LANCL3: variants seen among roughly 807,000 people sequenced by gnomAD.
The protein encoded by LANCL3 is lanC-like protein 3.
A neutral mutation model predicts 26.5 loss-of-function variants in LANCL3; 19 were observed. The observed-to-expected ratio is 0.72, with a 90% CI of 0.50 to 1.05. The LOEUF (loss-of-function observed/expected upper bound fraction) is 1.05. Ranked by LOEUF, LANCL3 falls within the 50% of genes least tolerant of loss-of-function variation. The pLI is 0.00. For synonymous variants in LANCL3, 160 were observed against 166.6 expected (o/e 0.96, Z 0.30); for missense variants, 318 against 362.7 (o/e 0.88, Z 1.00).
chrX:37,633,569 T>C (rs1925603133), intron 1 of LANCL3, among the ~76,000 whole-genome samples: 1 of 110,959 alleles, frequency 9.0e-6, no homozygotes, highest in African/African-American at 3.3e-5. Context: ...TTTATCTACT[T>C]TTGGTCTTTG....
chrX:37,597,924 T>C (rs782350964), intron 1 of LANCL3, among the ~76,000 whole-genome samples: 2 of 110,400 alleles, frequency 1.8e-5, no homozygotes, highest in Non-Finnish European at 3.8e-5. Flanking sequence ...ACGAATGATA[T>C]TGACCATCTT....
At chrX:37,581,948 C>T (rs1923907918) in intron 1 of LANCL3, among the ~76,000 whole-genome samples, 1 of 109,887 alleles carries the variant, frequency 9.1e-6, no homozygotes, top group Admixed American at 9.7e-5. Context: ...CATCCCACAA[C>T]AGGCCCTGGT....
intron 1 of LANCL3, among the ~76,000 whole-genome samples, chrX:37,596,293 C>T (rs1400157750): frequency 1.8e-5 from 2 of 112,229 alleles, no homozygotes; most frequent in African/African-American, 6.5e-5. Context: ...CTATCAGTAT[C>T]TCCAGCAGTC....
chrX:37,675,925 C>A lies in LANCL3; in HGVS notation c.*112C>A. On this transcript the variant is annotated 3_prime_UTR_variant, in exon 5 of 5. Transcript: ENST00000378619. The stretch of plus-strand genomic sequence containing the variant: ...CAACCATGAGCCTTAACATTGCCAT[C>A]AGAAGGAAGGAATCAGGCAGGTGAA... 1.8e-6 allele frequency: 1 copy of A among 566,934 alleles called. No homozygotes were observed. The highest frequency in any genetic ancestry group is 4.2e-5 in the East Asian group (1 of 23,709). The allele number at this position is 566,934 out of a possible 1,213,427, so 46.7% of individuals were successfully genotyped here.
Position 37,593,911 on chromosome X carries a change from A to G in LANCL3, c.573+21468A>G, listed in dbSNP as rs1924356110. On this transcript the variant is annotated intron_variant, in intron 1 of 4. Coordinates refer to ENST00000378619, the MANE Select transcript of LANCL3 (RefSeq NM_001170331.2). ...TATATCCATTATATCCTTATAAGCCATAGTAAATTAAGATTTAATGATGAT... is the reference window on the plus strand; with the variant it reads ...TATATCCATTATATCCTTATAAGCCGTAGTAAATTAAGATTTAATGATGAT... Among the ~76,000 whole-genome samples, 4 of 112,414 alleles carry G rather than the reference A, an allele frequency of 3.6e-5. 1 individual carries two copies. The highest frequency in any genetic ancestry group is 9.2e-3 in the Middle Eastern group (2 of 218).
At chrX:37,585,313 T>C (rs1250194307) in intron 1 of LANCL3, among the ~76,000 whole-genome samples, 1 of 111,635 alleles carries the variant, frequency 9.0e-6, no homozygotes, top group Non-Finnish European at 1.9e-5. Flanking sequence ...CTATTAGGTC[T>C]GCTTGGTGCA....
chrX:37,651,606 GT>G (rs782033247), intron 1 of LANCL3, among the ~76,000 whole-genome samples: 19 of 104,530 alleles, frequency 1.8e-4, no homozygotes, highest in Admixed American at 3.1e-4. Flanking sequence ...GTTTTTGCAA[GT>G]TTTTTTTTTT....
chrX:37,584,290 T>TG (rs1923995253), intron 1 of LANCL3, among the ~76,000 whole-genome samples: 1 of 104,526 alleles, frequency 9.6e-6, no homozygotes, highest in African/African-American at 4.0e-5. Flanking sequence ...TTTTCTTGTT[T>TG]TGTTTTTGCC....
intron 1 of LANCL3, among the ~76,000 whole-genome samples, chrX:37,593,686 C>T (rs1379932865): frequency 8.9e-6 from 1 of 111,795 alleles, no homozygotes; most frequent in East Asian, 2.8e-4. Flanking sequence ...ATGAGGGCTC[C>T]TTAGCTGACT....
chrX:37,641,358 G>A (rs1339254079), intron 1 of LANCL3, among the ~76,000 whole-genome samples: 1 of 109,917 alleles, frequency 9.1e-6, no homozygotes, highest in Non-Finnish European at 1.9e-5. Flanking sequence ...AAGCCAGAGA[G>A]GTTAAATCAC....
chrX:37,625,458 C>G (rs967260687), intron 1 of LANCL3, among the ~76,000 whole-genome samples: 15 of 111,046 alleles, frequency 1.4e-4, no homozygotes, highest in African/African-American at 4.9e-4. Flanking sequence ...GAAGGGACCT[C>G]CTGGTAGCTT....
chrX:37,629,446 T>TGA (rs1925416740), intron 1 of LANCL3, among the ~76,000 whole-genome samples: 1 of 110,069 alleles, frequency 9.1e-6, no homozygotes, highest in Non-Finnish European at 1.9e-5. Flanking sequence ...GAAGCTCTCT[T>TGA]GTTTAATTAG....
At chrX:37,606,265 C>T (rs782507177) in intron 1 of LANCL3, among the ~76,000 whole-genome samples, 7 of 111,485 alleles carry the variant, frequency 6.3e-5, no homozygotes, top group Non-Finnish European at 1.1e-4. Context: ...AACATAGGCA[C>T]CCCCTGCCCA....
chrX:37,585,955 G>T (rs1443742727), intron 1 of LANCL3, among the ~76,000 whole-genome samples: 8 of 111,400 alleles, frequency 7.2e-5, no homozygotes, highest in South Asian at 3.9e-4. Context: ...TTTCCATGTT[G>T]AGTGCTTCCT....
rs1927004861 is a variant in LANCL3, at chrX:37,684,291, C to T, written c.*8478C>T. 2 of 112,476 alleles carry T rather than the reference C, an allele frequency of 1.8e-5. No individual in the cohort carries two copies. The highest frequency in any genetic ancestry group is 6.5e-5 in the African/African-American group (2 of 30,963). 9.3% of individuals were successfully genotyped at this position (112,476 alleles called of 1,213,427 possible). On this transcript the variant is annotated 3_prime_UTR_variant, in exon 5 of 5. Coordinates refer to ENST00000378619, the MANE Select transcript of LANCL3 (RefSeq NM_001170331.2). ...ACTGTGATCTTTCCAAATGTGTTTT[C>T]TGTATTCGTTTTGTACTGTAGAAAA...
chrX:37,588,140 TTA>T (rs1309171600), intron 1 of LANCL3, among the ~76,000 whole-genome samples: 1 of 112,263 alleles, frequency 8.9e-6, no homozygotes, highest in East Asian at 2.8e-4. Context: ...AAATGATAGA[TTA>T]TATTAATTTC....
chrX:37,637,730 C>T (rs1925743756), intron 1 of LANCL3, among the ~76,000 whole-genome samples: 1 of 112,035 alleles, frequency 8.9e-6, no homozygotes, highest in African/African-American at 3.2e-5. Context: ...GTGAGATTTT[C>T]TATTCATTTA....
intron 1 of LANCL3, among the ~76,000 whole-genome samples, chrX:37,586,037 A>C (rs1287973332): frequency 9.0e-6 from 1 of 110,811 alleles, no homozygotes; most frequent in African/African-American, 3.3e-5. Flanking sequence ...AAAGGATTTT[A>C]TTTCTCCTTC....
Position 37,653,294 on chromosome X carries a change from G to GCACA in LANCL3, c.574-2379_574-2376dup, listed in dbSNP as rs781985535. 1.7e-3 allele frequency among the ~76,000 whole-genome samples: 186 copies of GCACA among 108,825 alleles called. 2 individuals carry two copies. The highest frequency in any genetic ancestry group is 4.7e-3 in the Middle Eastern group (1 of 213). 94.5% of individuals were successfully genotyped at this position (108,825 alleles called of 115,157 possible). Reference sequence around the variant, plus strand: ...GGCAAACACACACGTACACAGACATGCACACACACACACACACAACATATG... The same window carrying GCACA: ...GGCAAACACACACGTACACAGACATGCACACACACACACACACACACAACATATG... On this transcript the variant is annotated intron_variant, in intron 1 of 4. Coordinates refer to ENST00000378619, the MANE Select transcript of LANCL3 (RefSeq NM_001170331.2).
Sources: allele counts gnomAD v4.1 joint callset (sites outside exome capture counted in the v4.1 genomes callset), GRCh38; gene constraint gnomAD v4.1.1; transcripts MANE v1.5; gene names NCBI Gene and HGNC (gene_info 2026-07-23, HGNC 2026-07-21).